Variants in IDO2 observed in about 807,000 individuals in gnomAD.
IDO2 encodes the protein indoleamine 2,3-dioxygenase 2.
IDO2 carries 46 observed loss-of-function variants against 45.1 expected under a neutral mutation model. That is an observed-to-expected ratio of 1.02 (90% CI 0.80 to 1.30). The LOEUF (loss-of-function observed/expected upper bound fraction) is 1.30. Among genes scored for constraint, IDO2 ranks in the 50% most tolerant of loss-of-function variants. The pLI is 0.00. For missense variants in IDO2, 544 were observed against 491.8 expected, an observed-to-expected ratio of 1.11 and a Z score of -1.00; for synonymous variants, 218 against 184.9, an observed-to-expected ratio of 1.18 and a Z score of -1.45.
At chr8:40,013,512 A>G (rs990457730) in intron 9 of IDO2, 53 bp from the exon 10 acceptor site, 3 of 1,522,758 alleles carry the variant, frequency 2.0e-6, no homozygotes, top group Non-Finnish European at 2.7e-6. Flanking sequence ...GTCAGAAAAT[A>G]TACCATTACC....
chr8:39,968,962 G>C (rs1181554449), intron 3 of IDO2, among the ~76,000 whole-genome samples: 1 of 151,928 alleles, frequency 6.6e-6, no homozygotes, highest in African/African-American at 2.4e-5. Flanking sequence ...AAGAGAGTGG[G>C]GAGTAGGGAA....
At chr8:39,960,480 C>T (rs1477393840) in intron 2 of IDO2, among the ~76,000 whole-genome samples, 1 of 152,184 alleles carries the variant, frequency 6.6e-6, no homozygotes, top group African/African-American at 2.4e-5. Context: ...ACTGCTCAAG[C>T]TTCTCATTCT....
At chr8:39,936,392 T>G (rs1326508043) in intron 1 of IDO2, among the ~76,000 whole-genome samples, 1 of 152,204 alleles carries the variant, frequency 6.6e-6, no homozygotes, top group African/African-American at 2.4e-5. Flanking sequence ...AGCTTAAACA[T>G]GTGTTCCACT....
intron 3 of IDO2, among the ~76,000 whole-genome samples, chr8:39,973,898 C>A (rs140012947): frequency 6.6e-6 from 1 of 151,896 alleles, no homozygotes; most frequent in Admixed American, 6.6e-5. Context: ...CCTGCCACCA[C>A]GCCCAGCTAA....
intron 2 of IDO2, among the ~76,000 whole-genome samples, chr8:39,960,683 T>C (rs778735478): frequency 9.9e-5 from 15 of 152,236 alleles, no homozygotes; most frequent in Non-Finnish European, 1.8e-4. Context: ...TATTGTTTTG[T>C]TTTTTAAAGA....
At position 39,987,973 on chromosome 8, in the gene IDO2, A is replaced by G. The variant is rs768603934; in HGVS notation, c.549+3A>G. 12 of 1,563,720 alleles carry G rather than the reference A, an allele frequency of 7.7e-6. No individual in the cohort carries two copies. The highest frequency in any genetic ancestry group is 1.1e-5 in the South Asian group (1 of 87,930). Reference sequence around the variant, plus strand: ...AAGAAGCAGTGCCTGGGATAAAGGTATCTTCTCACTTGATAGCACCTTTTC... The same window carrying G: ...AAGAAGCAGTGCCTGGGATAAAGGTGTCTTCTCACTTGATAGCACCTTTTC... On this transcript the variant is annotated splice_donor_region_variant and intron_variant, in intron 7 of 10. Transcript: ENST00000502986.
At chr8:39,959,720 G>A (rs1807964663) in intron 2 of IDO2, among the ~76,000 whole-genome samples, 1 of 152,138 alleles carries the variant, frequency 6.6e-6, no homozygotes, top group Admixed American at 6.5e-5. Context: ...CTACTCTGGA[G>A]GCTGAGGCAG....
At chr8:39,941,239 A>AAAAAAAG (rs1807638330) in intron 1 of IDO2, among the ~76,000 whole-genome samples, 1 of 150,832 alleles carries the variant, frequency 6.6e-6, no homozygotes, top group Non-Finnish European at 1.5e-5. Context: ...AAAAAAAAAA[A>AAAAAAAG]GCCTCCTGAG....
At position 39,978,206 on chromosome 8, in the gene IDO2, C is replaced by A. The variant is rs377410652; in HGVS notation, c.196-861C>A. On this transcript the variant is annotated intron_variant, in intron 3 of 10. Transcript: ENST00000502986. ...TGGAGGAGCCCCAGCTCTGTGCCCACGTGGCGGTGCCTGGAGATTAAAAGG... is the reference window on the plus strand; with the variant it reads ...TGGAGGAGCCCCAGCTCTGTGCCCAAGTGGCGGTGCCTGGAGATTAAAAGG... Among the ~76,000 whole-genome samples, 46 of 152,324 alleles carry A rather than the reference C, an allele frequency of 3.0e-4. No individual in the cohort carries two copies. The East Asian group carries it at 7.7e-3, about 26-fold the overall frequency.
intron 8 of IDO2, among the ~76,000 whole-genome samples, chr8:39,993,150 C>T (rs1202708025): frequency 6.6e-6 from 1 of 152,154 alleles, no homozygotes; most frequent in Non-Finnish European, 1.5e-5. Context: ...GCGACTCAGC[C>T]AGATCTGAGC....
chr8:39,950,871 GC>G (rs1807804521), intron 2 of IDO2, among the ~76,000 whole-genome samples: 1 of 152,188 alleles, frequency 6.6e-6, no homozygotes, highest in African/African-American at 2.4e-5. Context: ...GTCCAGACAT[GC>G]CGGAGCAAGC....
chr8:40,009,652 C>T (rs564140188), intron 9 of IDO2, among the ~76,000 whole-genome samples: 9 of 152,296 alleles, frequency 5.9e-5, no homozygotes, highest in African/African-American at 2.2e-4. Context: ...TTCCCTTCCT[C>T]AGACTAGAAT....
At chr8:40,002,549 C>T (rs921095974) in intron 8 of IDO2, among the ~76,000 whole-genome samples, 1 of 152,166 alleles carries the variant, frequency 6.6e-6, no homozygotes, top group African/African-American at 2.4e-5. Flanking sequence ...AATCCCAGCA[C>T]TTTGGGAGGC....
chr8:39,957,069 A>G (rs1297047470), intron 2 of IDO2, among the ~76,000 whole-genome samples: 3 of 144,378 alleles, frequency 2.1e-5, no homozygotes, highest in African/African-American at 7.5e-5. Context: ...AAAAAAAGAG[A>G]TCAATAAATA....
At chr8:40,005,734 G>A (rs1375577217) in intron 9 of IDO2, among the ~76,000 whole-genome samples, 1 of 152,168 alleles carries the variant, frequency 6.6e-6, no homozygotes, top group African/African-American at 2.4e-5. Flanking sequence ...GCTGGGGAGT[G>A]TAGTATAGAG....
At chr8:40,015,425 C>T (rs1802373345) in exon 11 of IDO2, 21 of 1,613,834 alleles carry the variant, frequency 1.3e-5, no homozygotes, top group Non-Finnish European at 1.7e-5. Flanking sequence ...ATCACATCAC[C>T]ATGGTCACCA....
At chr8:39,988,225 G>A (rs891172136) in intron 7 of IDO2, among the ~76,000 whole-genome samples, 3 of 152,060 alleles carry the variant, frequency 2.0e-5, no homozygotes, top group Non-Finnish European at 2.9e-5. Flanking sequence ...AAATTGGATC[G>A]AACAAGACAG....
intron 2 of IDO2, among the ~76,000 whole-genome samples, chr8:39,957,933 T>TCTAG (rs1807927509): frequency 6.6e-6 from 1 of 152,192 alleles, no homozygotes; most frequent in Admixed American, 6.5e-5. Flanking sequence ...TGAGATGGAG[T>TCTAG]CTAGCTCTGT....
intron 8 of IDO2, 72 bp downstream of exon 8, chr8:39,989,910 G>A (rs1808476399): frequency 6.3e-6 from 6 of 953,570 alleles, no homozygotes; most frequent in African/African-American, 1.7e-5. Flanking sequence ...GAGGGCCTGG[G>A]GACCAGGCAT....
Sources: allele counts gnomAD v4.1 joint callset (sites outside exome capture counted in the v4.1 genomes callset), GRCh38; gene constraint gnomAD v4.1.1; transcripts MANE v1.5; gene names NCBI Gene and HGNC (gene_info 2026-07-23, HGNC 2026-07-21).